Variants in TNS1 observed in about 807,000 individuals in gnomAD.
TNS1 encodes the protein tensin 1.
In TNS1, 62 loss-of-function variants were observed where a neutral mutation model predicts 168.6. That is an observed-to-expected ratio of 0.37 (90% CI 0.30 to 0.45). TNS1 has a LOEUF of 0.45. TNS1 is among the 20% of genes least tolerant of loss of function. The probability of loss-of-function intolerance (pLI) is 1.00; values close to 1 mark genes in which losing one functional copy is unlikely to be tolerated. For synonymous variants in TNS1, 934 were observed against 933.2 expected (o/e 1.00, Z -0.02); for missense variants, 2,240 against 2,339.4 (o/e 0.96, Z 0.88).
chr2:217,916,546 T>C (rs1044294781), intron 4 of TNS1, among the ~76,000 whole-genome samples: 1 of 152,210 alleles, frequency 6.6e-6, no homozygotes, highest in Non-Finnish European at 1.5e-5. Context: ...TTTGCAAGGA[T>C]CAGGAGTGTC....
At chr2:217,893,391 T>TGA in intron 10 of TNS1, 48 bp downstream of exon 10, 1 of 1,490,844 alleles carries the variant, frequency 6.7e-7, no homozygotes, top group East Asian at 2.5e-5. Context: ...TGTGCGCATG[T>TGA]GCGCGCGCGC....
chr2:218,025,653 A>G (rs1958844442), intron 1 of TNS1, among the ~76,000 whole-genome samples: 1 of 151,406 alleles, frequency 6.6e-6, no homozygotes, highest in South Asian at 2.1e-4. Flanking sequence ...ACTAAGGCAG[A>G]TCCCTGCCTG....
At chr2:217,957,838 C>A (rs532898419) in intron 3 of TNS1, among the ~76,000 whole-genome samples, 1 of 119,762 alleles carries the variant, frequency 8.3e-6, no homozygotes. Context: ...AAAGTACTCC[C>A]GCAAAAAAAA....
At chr2:217,820,586 C>G (rs1271675315) in intron 23 of TNS1, among the ~76,000 whole-genome samples, 1 of 152,164 alleles carries the variant, frequency 6.6e-6, no homozygotes, top group Non-Finnish European at 1.5e-5. Flanking sequence ...TGTGACATCC[C>G]AGGCTAGGGA....
chr2:218,031,791 G>A (rs1958902260), intron 1 of TNS1, among the ~76,000 whole-genome samples: 1 of 152,194 alleles, frequency 6.6e-6, no homozygotes, highest in East Asian at 1.9e-4. Flanking sequence ...CCCCACAACA[G>A]GAATGCAGGG....
chr2:217,834,968 G>A (rs1056833832), intron 21 of TNS1, 123 bp downstream of exon 21: 23 of 748,626 alleles, frequency 3.1e-5, no homozygotes, highest in African/African-American at 9.2e-5. Context: ...GGAGCAGCAC[G>A]TTCTGGCCCC....
At chr2:217,915,752 A>G (rs1446748114) in intron 4 of TNS1, among the ~76,000 whole-genome samples, 1 of 152,220 alleles carries the variant, frequency 6.6e-6, no homozygotes, top group African/African-American at 2.4e-5. Flanking sequence ...CTCCTGACCC[A>G]GCCCTGCCAC....
At chr2:217,998,167 C>T (rs1958503061) in intron 1 of TNS1, among the ~76,000 whole-genome samples, 2 of 152,026 alleles carry the variant, frequency 1.3e-5, no homozygotes, top group African/African-American at 4.8e-5. Flanking sequence ...GCCCAAGAGC[C>T]TTTAGCTCCT....
intron 3 of TNS1, among the ~76,000 whole-genome samples, chr2:217,950,098 T>C (rs565297547): frequency 4.6e-5 from 7 of 152,342 alleles, no homozygotes; most frequent in Admixed American, 4.6e-4. Context: ...GTTTCTTTTC[T>C]GTACCCTATA....
chr2:217,915,323 T>A (rs1954885174), intron 4 of TNS1, among the ~76,000 whole-genome samples: 1 of 152,078 alleles, frequency 6.6e-6, no homozygotes, highest in Non-Finnish European at 1.5e-5. Flanking sequence ...CTTCAGAAAG[T>A]CACTTAAGAA....
At chr2:217,873,451 CAG>C (rs918801234) in intron 18 of TNS1, among the ~76,000 whole-genome samples, 4 of 152,180 alleles carry the variant, frequency 2.6e-5, no homozygotes, top group African/African-American at 9.7e-5. Context: ...ATGTGAAAGA[CAG>C]GGGCCTAACT....
intron 1 of TNS1, among the ~76,000 whole-genome samples, chr2:218,020,974 C>T (rs1411705937): frequency 2.0e-5 from 3 of 152,224 alleles, no homozygotes; most frequent in Non-Finnish European, 4.4e-5. Context: ...TGAGAGAAGA[C>T]AATGCATCCA....
At chr2:217,843,902 A>T (rs1339027544) in intron 19 of TNS1, among the ~76,000 whole-genome samples, 1 of 151,990 alleles carries the variant, frequency 6.6e-6, no homozygotes, top group Non-Finnish European at 1.5e-5. Context: ...TGATTCCAAA[A>T]CCTGTAGCTC....
At chr2:218,031,162 T>TGC (rs1958892703) in intron 1 of TNS1, among the ~76,000 whole-genome samples, 2 of 77,598 alleles carry the variant, frequency 2.6e-5, no homozygotes, top group East Asian at 1.0e-3. Context: ...TGAGCATGTC[T>TGC]ATGAGTGTCT....
intron 3 of TNS1, among the ~76,000 whole-genome samples, chr2:217,940,934 G>T (rs374193585): frequency 2.0e-5 from 3 of 152,216 alleles, no homozygotes; most frequent in East Asian, 3.9e-4. Flanking sequence ...GGGAAAGCAG[G>T]TTTGGAAAGG....
chr2:217,898,114 C>G, intron 7 of TNS1, 145 bp from the exon 8 acceptor site: 2 of 992,502 alleles, frequency 2.0e-6, no homozygotes, highest in South Asian at 4.5e-5. Context: ...AGGCCAAGGC[C>G]ACAGGCTTCC....
At position 217,969,560 on chromosome 2, in the gene TNS1, G is replaced by A. The variant is rs186984010; in HGVS notation, c.186+9205C>T. ...TTGATAAGGAATTTGTATCCTGAAC[G>A]TATAAAGAACTTTTACAACTCAATA... is the stretch of plus-strand genomic sequence containing the variant. On this transcript the variant is annotated intron_variant, in intron 3 of 32. Coordinates refer to ENST00000682258, the MANE Select transcript of TNS1 (RefSeq NM_001387777.1). Among the ~76,000 whole-genome samples the A allele has an allele frequency of 1.4e-4, 22 of 152,140 alleles. 1 individual carries two copies. The highest frequency in any genetic ancestry group is 9.7e-4 in the East Asian group (5 of 5,180).
At chr2:217,855,103 A>T (rs1947966921) in intron 18 of TNS1, among the ~76,000 whole-genome samples, 1 of 151,992 alleles carries the variant, frequency 6.6e-6, no homozygotes, top group African/African-American at 2.4e-5. Flanking sequence ...CCTGCTTTAC[A>T]TTTCAACAGC....
upstream of TNS1, chr2:218,010,442 G>A (rs1019499041): frequency 2.7e-6 from 1 of 371,204 alleles, no homozygotes. Flanking sequence ...GAACCCCCAC[G>A]GGGCGCGGGC....
Sources: allele counts gnomAD v4.1 joint callset (sites outside exome capture counted in the v4.1 genomes callset), GRCh38; gene constraint gnomAD v4.1.1; transcripts MANE v1.5; gene names NCBI Gene and HGNC (gene_info 2026-07-23, HGNC 2026-07-21).